The following THOC5 variants were observed in gnomAD, a reference collection of about 807,000 sequenced individuals.
THOC5 encodes the protein THO complex subunit 5.
A neutral mutation model predicts 92.9 loss-of-function variants in THOC5; 43 were observed. The observed-to-expected ratio is 0.46, with a 90% CI of 0.36 to 0.60. The LOEUF (loss-of-function observed/expected upper bound fraction) is 0.60. Among genes scored for constraint, THOC5 ranks in the 20% least tolerant of loss-of-function variants. The pLI is 0.00. For missense variants in THOC5, 659 were observed against 849.4 expected (o/e 0.78, Z 2.79); for synonymous variants, 296 against 320.1 (o/e 0.92, Z 0.80).
chr22:29,552,154 G>A (rs1252994978), intron 1 of THOC5, among the ~76,000 whole-genome samples: 3 of 152,094 alleles, frequency 2.0e-5, no homozygotes, highest in Non-Finnish European at 4.4e-5. Flanking sequence ...CCTCCCAGCC[G>A]CCTGCCTTGG....
In THOC5 at chr22:29,539,362, T is replaced by C; in HGVS notation, c.567A>G (p.Ala189=). Residue 189 remains alanine, a synonymous_variant, in exon 6 of 20, where the codon GCA becomes GCG. Transcript: ENST00000490103. ...GCTGCTCCAGCTCCCAGTCCAGACG[T>C]GCCAGTGTTTGCTGGTGAGGGTCTC... ...TMGDPHQQTL[A]RLDWELEQRK... is the part of the protein sequence containing the mutation. 2 of 1,614,006 alleles carry C rather than the reference T, an allele frequency of 1.2e-6. No individual in the cohort carries two copies. Among genetic ancestry groups the C allele is most frequent in the Non-Finnish European group, 1.7e-6 (2 of 1,179,910 alleles).
chr22:29,526,127 G>T (rs2063538956), intron 11 of THOC5, among the ~76,000 whole-genome samples, 181 bp from the exon 12 acceptor site: 1 of 152,080 alleles, frequency 6.6e-6, no homozygotes, highest in South Asian at 2.1e-4. Context: ...GCAAAATAGT[G>T]TAACAAATCG....
chr22:29,518,872 T>G, intron 15 of THOC5, 134 bp downstream of exon 15: 1 of 699,896 alleles, frequency 1.4e-6, no homozygotes, highest in Non-Finnish European at 2.5e-6. Context: ...TCTGCCAAGA[T>G]GCCCACTCCG....
intron 17 of THOC5, among the ~76,000 whole-genome samples, chr22:29,514,994 C>T (rs1348033554): frequency 6.7e-6 from 1 of 148,566 alleles, no homozygotes; most frequent in African/African-American, 2.5e-5. Context: ...CATGGGCCAC[C>T]ATGCCCAGCC....
At chr22:29,514,302 G>T in intron 17 of THOC5, among the ~76,000 whole-genome samples, 1 of 150,654 alleles carries the variant, frequency 6.6e-6, no homozygotes, top group Non-Finnish European at 1.5e-5. Context: ...ATCTGTTGTA[G>T]AATGACTGAA....
Position 29,508,376 on chromosome 22 carries a change from G to A in THOC5, c.*81C>T. 2.2e-6 allele frequency: 3 copies of A among 1,392,998 alleles called. No individual in the cohort carries two copies. Among genetic ancestry groups the A allele is most frequent in the Non-Finnish European group, 3.0e-6 (3 of 986,860 alleles). The allele number at this position is 1,392,998 out of a possible 1,614,324, so 86.3% of individuals were successfully genotyped here. On this transcript the variant is annotated 3_prime_UTR_variant, in exon 20 of 20. Transcript: ENST00000490103. ...CTGGTGTCTTTGGAGAATATCAAGA[G>A]TCACATGTGGGCCAGAGCAGAAAGC...
At chr22:29,522,211 T>G (rs2063455864) in intron 12 of THOC5, among the ~76,000 whole-genome samples, 2 of 129,406 alleles carry the variant, frequency 1.5e-5, no homozygotes, top group Admixed American at 1.6e-4. Context: ...AAAAAAAAAA[T>G]TAGCTGGGCA....
intron 9 of THOC5, 33 bp from the exon 10 acceptor site, chr22:29,528,499 A>AG: frequency 6.2e-7 from 1 of 1,611,276 alleles, no homozygotes; most frequent in Non-Finnish European, 8.5e-7. Flanking sequence ...GCTAGAGGTG[A>AG]GGGGGCTCCA....
intron 14 of THOC5, among the ~76,000 whole-genome samples, chr22:29,519,765 TG>T (rs934384267): frequency 1.3e-4 from 19 of 151,844 alleles, no homozygotes; most frequent in Non-Finnish European, 1.5e-4. Flanking sequence ...CCTGAATAGC[TG>T]GGATTATAGG....
At chr22:29,519,883 C>T (rs1325619524) in intron 14 of THOC5, 125 bp downstream of exon 14, 1 of 599,196 alleles carries the variant, frequency 1.7e-6, no homozygotes, top group African/African-American at 1.9e-5. Flanking sequence ...ATCCACCTGC[C>T]TCAGCCTCCC....
At chr22:29,551,851 T>C (rs1023454084) in intron 1 of THOC5, among the ~76,000 whole-genome samples, 2 of 134,714 alleles carry the variant, frequency 1.5e-5, no homozygotes, top group African/African-American at 5.5e-5. Context: ...AGCTGGACTG[T>C]ACTGCGGCCA....
chr22:29,518,887 G>A (rs2063382983), intron 15 of THOC5, 119 bp downstream of exon 15: 1 of 754,656 alleles, frequency 1.3e-6, no homozygotes, highest in Non-Finnish European at 2.2e-6. Flanking sequence ...ACTCCGTAAA[G>A]CCAGGAATCC....
At chr22:29,523,149 G>A (rs945315540) in intron 12 of THOC5, among the ~76,000 whole-genome samples, 8 of 152,058 alleles carry the variant, frequency 5.3e-5, no homozygotes, top group Non-Finnish European at 8.8e-5. Flanking sequence ...GGCTGAGGCA[G>A]GAGAATCACT....
intron 19 of THOC5, among the ~76,000 whole-genome samples, chr22:29,509,493 G>A (rs1013811678): frequency 6.6e-6 from 1 of 152,070 alleles, no homozygotes. Context: ...CCTCCCAGCA[G>A]CCACTCAGAG....
chr22:29,538,084 G>A (rs996558027), intron 6 of THOC5, among the ~76,000 whole-genome samples: 7 of 152,002 alleles, frequency 4.6e-5, no homozygotes, highest in Admixed American at 6.6e-5. Flanking sequence ...CCGGCTTCAC[G>A]CCATTCTCCT....
chr22:29,540,588 G>A (rs754283403), intron 5 of THOC5, among the ~76,000 whole-genome samples: 4 of 152,168 alleles, frequency 2.6e-5, no homozygotes, highest in African/African-American at 4.8e-5. Flanking sequence ...CCCAACAGGC[G>A]CAAGTTCCAC....
intron 2 of THOC5, chr22:29,545,053 G>A: frequency 2.3e-6 from 1 of 432,736 alleles, no homozygotes. Flanking sequence ...AGGTTTAATT[G>A]GACTTACAGT....
chr22:29,531,689 G>T, intron 8 of THOC5, 142 bp downstream of exon 8: 1 of 1,470,792 alleles, frequency 6.8e-7, no homozygotes, highest in African/African-American at 1.4e-5. Flanking sequence ...GCTGGGCAAT[G>T]CAGAGGGAAG....
Position 29,511,250 on chromosome 22 carries a change from G to C in THOC5, c.1844C>G (p.Pro615Arg). 2 of 1,614,130 alleles carry C rather than the reference G, an allele frequency of 1.2e-6. No individual in the cohort carries two copies. The highest frequency in any genetic ancestry group is 1.7e-6 in the Non-Finnish European group (2 of 1,180,036). ...VNVCYKELCG[P>R]WPSHQLLTNQ... ...GGTCAACAGCTGGTGGCTGGGCCAA[G>C]GGCCACACAGCTCCTTGTAGCACAC... is the stretch of plus-strand genomic sequence containing the variant. Residue 615 changes from proline (P) to arginine (R), a missense_variant, in exon 19 of 20, where the codon CCT (proline) becomes CGT (arginine). By Grantham distance (103) the Pro-to-Arg change is moderately radical. Transcript: ENST00000490103.
Sources: allele counts gnomAD v4.1 joint callset (sites outside exome capture counted in the v4.1 genomes callset), GRCh38; gene constraint gnomAD v4.1.1; transcripts MANE v1.5; gene names NCBI Gene and HGNC (gene_info 2026-07-23, HGNC 2026-07-21).